UBE2U: variants seen among roughly 807,000 people sequenced by gnomAD.
The protein encoded by UBE2U is ubiquitin conjugating enzyme E2 U.
A neutral mutation model predicts 41.2 loss-of-function variants in UBE2U; 39 were observed. The observed-to-expected ratio is 0.95, with a 90% CI of 0.73 to 1.24. UBE2U has a LOEUF of 1.24. Among genes scored for constraint, UBE2U ranks in the 50% most tolerant of loss-of-function variants. UBE2U has a pLI of 0.00. For synonymous variants in UBE2U, 107 were observed against 117.8 expected, an observed-to-expected ratio of 0.91 and a Z score of 0.60; for missense variants, 336 against 363.1, an observed-to-expected ratio of 0.93 and a Z score of 0.61.
At chr1:64,257,409 C>T (rs967827127) in intron 8 of UBE2U, among the ~76,000 whole-genome samples, 1 of 152,150 alleles carries the variant, frequency 6.6e-6, no homozygotes, top group Admixed American at 6.6e-5. Flanking sequence ...GGTACATACA[C>T]ACCATGGAAT....
intron 8 of UBE2U, among the ~76,000 whole-genome samples, chr1:64,246,015 T>C (rs1644914497): frequency 6.6e-6 from 1 of 152,202 alleles, no homozygotes; most frequent in Non-Finnish European, 1.5e-5. Context: ...GTTTAAATTG[T>C]TCAGGTAAGT....
chr1:64,232,686 A>G (rs564960210), intron 7 of UBE2U, 37 bp downstream of exon 7: 26 of 1,528,830 alleles, frequency 1.7e-5, no homozygotes, highest in African/African-American at 1.6e-4. Flanking sequence ...TCCTTTTGGT[A>G]TATGTTAATC....
At position 64,267,062 on chromosome 1, in the gene UBE2U, A is replaced by G. The variant is rs1325683854; in HGVS notation, c.808A>G (p.Ile270Val). The G allele has an allele frequency of 6.5e-7, 1 of 1,549,896 alleles. No individual in the cohort carries two copies. The highest frequency in any genetic ancestry group is 2.4e-5 in the East Asian group (1 of 40,918). The change falls in exon 10 of 10, where the codon ATC (isoleucine) becomes GTC (valine). Residue 270 changes from isoleucine to valine, a missense_variant. Transcript: ENST00000371077. ...FLESPTAINSITDIYETEEEG... is the reference protein window; with the variant it reads ...FLESPTAINSVTDIYETEEEG... Reference sequence around the variant, plus strand: ...TGAGTCACCAACTGCAATAAATAGCATCACAGACATTTATGAAACAGAAGA... The same window carrying G: ...TGAGTCACCAACTGCAATAAATAGCGTCACAGACATTTATGAAACAGAAGA...
At chr1:64,211,498 G>A (rs1045209509) in intron 4 of UBE2U, among the ~76,000 whole-genome samples, 15 of 152,032 alleles carry the variant, frequency 9.9e-5, no homozygotes, top group Admixed American at 3.9e-4. Flanking sequence ...AGAGTGCAAC[G>A]GCACAATCCT....
At chr1:64,207,189 C>T (rs1461233400) in intron 3 of UBE2U, among the ~76,000 whole-genome samples, 4 of 152,138 alleles carry the variant, frequency 2.6e-5, no homozygotes, top group East Asian at 1.9e-4. Flanking sequence ...CTCTCTCTGT[C>T]GCCCAGGCTG....
At chr1:64,222,398 T>A (rs1377898629) in intron 6 of UBE2U, among the ~76,000 whole-genome samples, 1 of 152,232 alleles carries the variant, frequency 6.6e-6, no homozygotes, top group Non-Finnish European at 1.5e-5. Flanking sequence ...CCGTGTTTAC[T>A]AATAAGGCAG....
chr1:64,243,909 G>T (rs1188319306), intron 8 of UBE2U, among the ~76,000 whole-genome samples: 1 of 152,250 alleles, frequency 6.6e-6, no homozygotes, highest in Non-Finnish European at 1.5e-5. Flanking sequence ...CCAATTACCA[G>T]CTCTGTGACC....
At chr1:64,239,771 G>A (rs934060424) in intron 7 of UBE2U, among the ~76,000 whole-genome samples, 1 of 151,972 alleles carries the variant, frequency 6.6e-6, no homozygotes, top group Non-Finnish European at 1.5e-5. Flanking sequence ...TCTATCATTG[G>A]TGGACATTTG....
intron 5 of UBE2U, among the ~76,000 whole-genome samples, chr1:64,218,159 T>TTGTTCAAGAACATGTTCAAGCTCA (rs1569987296): frequency 6.6e-6 from 1 of 152,310 alleles, no homozygotes; most frequent in East Asian, 1.9e-4. Flanking sequence ...CATTGCTTAC[T>TTGTTCAAGAACATGTTCAAGCTCA]TGTTCAAGAA....
chr1:64,240,192 G>A (rs1468447932), intron 7 of UBE2U, among the ~76,000 whole-genome samples: 1 of 152,154 alleles, frequency 6.6e-6, no homozygotes. Context: ...GAGCAAGGGA[G>A]GTAGTAAGCC....
chr1:64,251,224 T>A (rs1645006245), intron 8 of UBE2U, among the ~76,000 whole-genome samples: 1 of 151,176 alleles, frequency 6.6e-6, no homozygotes, highest in South Asian at 2.1e-4. Context: ...TGTGTTAGTT[T>A]TTTTGAATGT....
intron 6 of UBE2U, among the ~76,000 whole-genome samples, chr1:64,227,096 T>G (rs1652923613): frequency 6.6e-6 from 1 of 152,206 alleles, no homozygotes; most frequent in South Asian, 2.1e-4. Context: ...ATAAAAATTC[T>G]TAGCAAACTG....
At position 64,210,756 on chromosome 1, in the gene UBE2U, G is replaced by T. The variant is rs370723679; in HGVS notation, c.256G>T (p.Gly86Cys). The T allele has an allele frequency of 4.4e-6, 7 of 1,586,996 alleles. No homozygotes were observed. In the African/African-American group the frequency reaches 5.4e-5, roughly 12 times the overall value. ...TTTTAATACAGTAGACCCACACACT[G>T]GTCAGCCCTGTATAGACTTTTTGGA... ...PFHPNVDPHTGQPCIDFLDNP... is the reference protein window; with the variant it reads ...PFHPNVDPHTCQPCIDFLDNP... The change falls in exon 4 of 10, where the codon GGT becomes TGT. Residue 86 changes from glycine (G) to cysteine (C), a missense_variant. Physicochemically the swap from Gly to Cys is radical, Grantham distance 159. Transcript: ENST00000371077.
intron 6 of UBE2U, among the ~76,000 whole-genome samples, chr1:64,224,315 A>G (rs1652701049): frequency 6.6e-6 from 1 of 152,228 alleles, no homozygotes; most frequent in Admixed American, 6.5e-5. Flanking sequence ...ATTATACATC[A>G]TGAGAAATTG....
intron 6 of UBE2U, among the ~76,000 whole-genome samples, chr1:64,224,935 T>TCACACACACACACACACA (rs34259884): frequency 6.8e-6 from 1 of 146,840 alleles, no homozygotes; most frequent in African/African-American, 2.5e-5. Context: ...TAGGATATTA[T>TCACACACACACACACACA]CACACACACA....
At chr1:64,254,424 C>T (rs1437288253) in intron 8 of UBE2U, among the ~76,000 whole-genome samples, 1 of 152,152 alleles carries the variant, frequency 6.6e-6, no homozygotes, top group Non-Finnish European at 1.5e-5. Context: ...TAGATATCTA[C>T]ACAACTCTCC....
chr1:64,224,621 G>T (rs1398151033), intron 6 of UBE2U, among the ~76,000 whole-genome samples: 1 of 152,006 alleles, frequency 6.6e-6, no homozygotes, highest in Non-Finnish European at 1.5e-5. Context: ...TACTCAGGAG[G>T]CTGAGTCAGG....
chr1:64,222,693 T>A (rs1652573377), intron 6 of UBE2U, among the ~76,000 whole-genome samples: 1 of 152,262 alleles, frequency 6.6e-6, no homozygotes, highest in African/African-American at 2.4e-5. Flanking sequence ...CAGTTATGTC[T>A]AGTTCTTAGT....
chr1:64,230,342 C>T (rs897996037), intron 6 of UBE2U, among the ~76,000 whole-genome samples: 1 of 152,160 alleles, frequency 6.6e-6, no homozygotes, highest in Non-Finnish European at 1.5e-5. Flanking sequence ...CTACTGATGG[C>T]TGTCTATTAC....
Sources: gnomAD v4.1 joint callset for allele counts (sites outside exome capture counted in the v4.1 genomes callset) on GRCh38, gnomAD v4.1.1 for gene constraint, MANE v1.5 for transcripts, NCBI Gene and HGNC (gene_info 2026-07-23, HGNC 2026-07-21) for gene names.